PTPRD: variants seen among roughly 807,000 people sequenced by gnomAD.
The protein encoded by PTPRD is protein tyrosine phosphatase receptor type D.
PTPRD carries 34 observed loss-of-function variants against 214.5 expected under a neutral mutation model. The ratio of observed to expected loss-of-function variants is 0.16; its 90% CI spans 0.12 to 0.21. The LOEUF (loss-of-function observed/expected upper bound fraction) is 0.21. Ranked by LOEUF, PTPRD falls within the 10% of genes least tolerant of loss-of-function variation. The pLI is 1.00. For synonymous variants in PTPRD, 1,128 were observed against 845.7 expected (o/e 1.33, Z -5.79); for missense variants, 2,545 against 2,398.7 (o/e 1.06, Z -1.27).
At chr9:9,829,899 C>T (rs998812257) in intron 5 of PTPRD, among the ~76,000 whole-genome samples, 1 of 151,694 alleles carries the variant, frequency 6.6e-6, no homozygotes, top group Non-Finnish European at 1.5e-5. Context: ...TTTTGAGCCC[C>T]TACAAATAAT....
rs553967154 is a variant in PTPRD, at chr9:9,761,471, C to T, written c.-326+5339G>A. 5.3e-5 allele frequency among the ~76,000 whole-genome samples: 8 copies of T among 152,066 alleles called. 1 individual carries two copies. Among genetic ancestry groups the T allele is most frequent in the Non-Finnish European group, 1.0e-4 (7 of 68,014 alleles). On this transcript the variant is annotated intron_variant, in intron 6 of 45. Coordinates refer to ENST00000381196, the MANE Select transcript of PTPRD (RefSeq NM_002839.4). ...TCGTAGTGTTGGAACTATTCAATGT[C>T]TTGACTGTGGGGTAGGATACTTAAA...
intron 8 of PTPRD, among the ~76,000 whole-genome samples, chr9:9,503,941 T>G (rs4742605): frequency 0.32 from 49,057 of 151,588 alleles, 8,671 homozygotes; most frequent in East Asian, 0.74. Flanking sequence ...GGTGCCACTT[T>G]TGTTATCCAT....
intron 7 of PTPRD, among the ~76,000 whole-genome samples, chr9:9,581,770 G>A (rs901397856): frequency 6.6e-6 from 1 of 152,120 alleles, no homozygotes; most frequent in Non-Finnish European, 1.5e-5. Context: ...GGCAAGTGGT[G>A]AGACTAGCAA....
Position 9,505,270 on chromosome 9 carries a change from C to T in PTPRD, c.-237+69462G>A, listed in dbSNP as rs115894543. On this transcript the variant is annotated intron_variant, in intron 8 of 45. Coordinates refer to ENST00000381196, the MANE Select transcript of PTPRD (RefSeq NM_002839.4). The stretch of plus-strand genomic sequence containing the variant: ...TCTCTTAGATTAAATAATTAATCAG[C>T]AGTAGATCCATTTTTTTAAATCCTT... Among the ~76,000 whole-genome samples, 927 of 151,726 alleles carry T rather than the reference C, an allele frequency of 6.1e-3. 8 individuals are homozygous for T. The highest frequency in any genetic ancestry group is 0.021 in the African/African-American group (880 of 41,484).
At chr9:8,797,603 C>A (rs1480970734) in intron 11 of PTPRD, among the ~76,000 whole-genome samples, 1 of 152,230 alleles carries the variant, frequency 6.6e-6, no homozygotes, top group Non-Finnish European at 1.5e-5. Context: ...CAGAAACTCT[C>A]TGGAACTGTC....
At chr9:10,226,455 C>T (rs1450512758) in intron 3 of PTPRD, among the ~76,000 whole-genome samples, 1 of 152,010 alleles carries the variant, frequency 6.6e-6, no homozygotes, top group Non-Finnish European at 1.5e-5. Context: ...AGGGAGGCAG[C>T]TGAGAAACTC....
At chr9:8,424,675 A>C (rs57703731) in intron 35 of PTPRD, among the ~76,000 whole-genome samples, 125 of 151,932 alleles carry the variant, frequency 8.2e-4, no homozygotes, top group African/African-American at 2.6e-3. Context: ...AAAATAAAGA[A>C]GGGGACTGGG....
At chr9:8,437,395 A>G (rs188538760) in intron 34 of PTPRD, among the ~76,000 whole-genome samples, 1 of 152,302 alleles carries the variant, frequency 6.6e-6, no homozygotes, top group Admixed American at 6.5e-5. Flanking sequence ...CAATGTGACT[A>G]CTACATTAAG....
At chr9:10,166,350 T>G (rs1289515053) in intron 3 of PTPRD, among the ~76,000 whole-genome samples, 2 of 150,906 alleles carry the variant, frequency 1.3e-5, no homozygotes, top group Admixed American at 1.3e-4. Flanking sequence ...ACAAAGCACT[T>G]GCTTTTTTCT....
At chr9:8,768,026 C>A (rs1482756940) in intron 11 of PTPRD, among the ~76,000 whole-genome samples, 1 of 152,132 alleles carries the variant, frequency 6.6e-6, no homozygotes, top group Non-Finnish European at 1.5e-5. Context: ...GAAAATATTT[C>A]ACCAATTTCT....
At chr9:8,795,725 T>C (rs765732770) in intron 11 of PTPRD, among the ~76,000 whole-genome samples, 41 of 152,272 alleles carry the variant, frequency 2.7e-4, no homozygotes, top group Non-Finnish European at 2.6e-4. Flanking sequence ...TAGAAAATTA[T>C]TACAAAGTCT....
intron 3 of PTPRD, among the ~76,000 whole-genome samples, chr9:10,146,868 A>C (rs1219145602): frequency 6.6e-6 from 1 of 152,156 alleles, no homozygotes; most frequent in Non-Finnish European, 1.5e-5. Context: ...GAAGTTCAGG[A>C]AGCCTTTACA....
At chr9:10,479,658 T>TAAATAAATAAACAAACAAACAAAC (rs141946645) in intron 2 of PTPRD, among the ~76,000 whole-genome samples, 27 of 145,916 alleles carry the variant, frequency 1.9e-4, no homozygotes, top group Non-Finnish European at 2.3e-4. Context: ...AATAAATAAA[T>TAAATAAATAAACAAACAAACAAAC]AAACAAAAAT....
At chr9:9,207,501 C>G (rs1294051784) in intron 9 of PTPRD, among the ~76,000 whole-genome samples, 1 of 152,030 alleles carries the variant, frequency 6.6e-6, no homozygotes. Flanking sequence ...TAAACTAAAG[C>G]TATTAGACTG....
chr9:9,828,598 A>T (rs1768882), intron 5 of PTPRD, among the ~76,000 whole-genome samples: 1 of 151,856 alleles, frequency 6.6e-6, no homozygotes, highest in African/African-American at 2.4e-5. Flanking sequence ...ACATGTATAC[A>T]TATGTAACAA....
At chr9:9,150,470 A>G (rs141845089) in intron 10 of PTPRD, among the ~76,000 whole-genome samples, 8,850 of 147,562 alleles carry the variant, frequency 0.06, 368 homozygotes, top group Admixed American at 0.096. Context: ...TTATATATAT[A>G]ATATATACTA....
chr9:9,007,015 T>C (rs2099474242), intron 11 of PTPRD, among the ~76,000 whole-genome samples: 1 of 151,976 alleles, frequency 6.6e-6, no homozygotes, highest in Non-Finnish European at 1.5e-5. Flanking sequence ...GATTTGCCTA[T>C]TTATAGCAAG....
At chr9:8,510,517 C>T (rs567448324) in intron 21 of PTPRD, among the ~76,000 whole-genome samples, 1 of 152,254 alleles carries the variant, frequency 6.6e-6, no homozygotes, top group Non-Finnish European at 1.5e-5. Flanking sequence ...ATTTCCTTCA[C>T]AGAAGTTGAT....
At chr9:8,973,439 T>C (rs573574408) in intron 11 of PTPRD, among the ~76,000 whole-genome samples, 8 of 152,138 alleles carry the variant, frequency 5.3e-5, no homozygotes, top group South Asian at 2.1e-4. Context: ...TACATATGTA[T>C]CACATTTTCT....
Sources: gnomAD v4.1 joint callset for allele counts (sites outside exome capture counted in the v4.1 genomes callset) on GRCh38, gnomAD v4.1.1 for gene constraint, MANE v1.5 for transcripts, NCBI Gene and HGNC (gene_info 2026-07-23, HGNC 2026-07-21) for gene names.